The following STAT3 variants were observed in gnomAD, a reference collection of about 807,000 sequenced individuals.
The protein encoded by STAT3 is signal transducer and activator of transcription 3.
In STAT3, 7 loss-of-function variants were observed where a neutral mutation model predicts 114.3. That is an observed-to-expected ratio of 0.06 (90% CI 0.03 to 0.11). The LOEUF (loss-of-function observed/expected upper bound fraction) is 0.11. STAT3 is among the 10% of genes least tolerant of loss of function. STAT3 has a pLI of 1.00. For missense variants in STAT3, 364 were observed against 960.9 expected, an observed-to-expected ratio of 0.38 and a Z score of 8.21; for synonymous variants, 331 against 354.5, an observed-to-expected ratio of 0.93 and a Z score of 0.74.
intron 8 of STAT3, among the ~76,000 whole-genome samples, chr17:42,334,608 A>G (rs1227015166): frequency 6.6e-6 from 1 of 151,890 alleles, no homozygotes; most frequent in African/African-American, 2.4e-5. Flanking sequence ...CCACTCCCGG[A>G]TAATTTTTGC....
chr17:42,387,978 G>C, intron 1 of STAT3: 2 of 315,010 alleles, frequency 6.3e-6, no homozygotes, highest in Non-Finnish European at 5.7e-6. Flanking sequence ...CAGGAAATCG[G>C]GGGACTGTCC....
chr17:42,363,567 C>T (rs1218321768), intron 1 of STAT3, among the ~76,000 whole-genome samples: 1 of 152,046 alleles, frequency 6.6e-6, no homozygotes. Flanking sequence ...CCTCAGCCTC[C>T]TGAGTAACTG....
chr17:42,324,697 G>T lies in STAT3; in HGVS notation c.1600+14C>A. 6.2e-7 allele frequency: 1 copy of T among 1,601,038 alleles called. No individual in the cohort carries two copies. On this transcript the variant is annotated intron_variant, in intron 17 of 23. Coordinates refer to ENST00000264657, the MANE Select transcript of STAT3 (RefSeq NM_139276.3). This position sits in a 1 kb window ranked among gnomAD's most constrained non-coding sequence, Gnocchi z 4.5. Reference sequence around the variant, plus strand: ...GGGCGGGTGGGCGGGAGGGAGAAGGGGTGAAATGCGGACCCAAGAGTTTCT... The same window carrying T: ...GGGCGGGTGGGCGGGAGGGAGAAGGTGTGAAATGCGGACCCAAGAGTTTCT...
intron 1 of STAT3, among the ~76,000 whole-genome samples, chr17:42,358,436 T>C (rs2083336308): frequency 1.3e-5 from 2 of 152,144 alleles, no homozygotes; most frequent in Admixed American, 1.3e-4. Flanking sequence ...TTAACAAACC[T>C]AATTCCCTCT....
chr17:42,358,055 A>G (rs1012912982), intron 1 of STAT3, among the ~76,000 whole-genome samples: 1 of 152,330 alleles, frequency 6.6e-6, no homozygotes. Flanking sequence ...TGTAAAAATG[A>G]ACATCAATCT....
intron 1 of STAT3, among the ~76,000 whole-genome samples, chr17:42,374,691 C>A (rs1482401609): frequency 1.3e-5 from 2 of 150,532 alleles, no homozygotes; most frequent in Non-Finnish European, 2.9e-5. Context: ...CCAAAGAGAA[C>A]CTGAGGTGGC....
intron 21 of STAT3, among the ~76,000 whole-genome samples, chr17:42,321,458 C>T (rs2081481600): frequency 6.6e-6 from 1 of 151,988 alleles, no homozygotes; most frequent in South Asian, 2.1e-4. Flanking sequence ...AAGTACATGT[C>T]CTCTTACACA....
At chr17:42,364,149 C>T (rs1246321796) in intron 1 of STAT3, among the ~76,000 whole-genome samples, 1 of 152,126 alleles carries the variant, frequency 6.6e-6, no homozygotes, top group Non-Finnish European at 1.5e-5. Flanking sequence ...AGAAGTACAC[C>T]TCCCCTACTG....
intron 1 of STAT3, among the ~76,000 whole-genome samples, chr17:42,373,660 CG>C (rs1463060115): frequency 6.6e-6 from 1 of 151,852 alleles, no homozygotes; most frequent in African/African-American, 2.4e-5. Flanking sequence ...GAGGCCGAGG[CG>C]GGTGGATCAC....
At chr17:42,316,055 T>C in intron 23 of STAT3, 1 of 1,403,650 alleles carries the variant, frequency 7.1e-7, no homozygotes, top group Non-Finnish European at 9.3e-7. Context: ...AAGGCTGTCC[T>C]GAGATCTTCT....
chr17:42,367,828 A>C (rs1248261139), intron 1 of STAT3, among the ~76,000 whole-genome samples: 1 of 152,214 alleles, frequency 6.6e-6, no homozygotes, highest in African/African-American at 2.4e-5. Context: ...ATGCTCAAAT[A>C]TTTGAATAAA....
intron 2 of STAT3, among the ~76,000 whole-genome samples, chr17:42,347,184 CAAAAAAA>C (rs754388828): frequency 5.3e-5 from 4 of 75,502 alleles, no homozygotes; most frequent in African/African-American, 1.6e-4. Context: ...GACTCCATCT[CAAAAAAA>C]AAAAAAAAAA....
At chr17:42,343,002 CAAAAAAAA>C (rs757011535) in intron 4 of STAT3, among the ~76,000 whole-genome samples, 1 of 115,580 alleles carries the variant, frequency 8.7e-6, no homozygotes, top group Non-Finnish European at 1.9e-5. Context: ...CCATCTCTAC[CAAAAAAAA>C]AAAAAAAAAA....
chr17:42,322,292 A>T lies in STAT3; in HGVS notation c.2091T>A (p.Ala697=), dbSNP rs200529713. The T allele has an allele frequency of 9.7e-5, 156 of 1,614,124 alleles. No homozygotes were observed. The highest frequency in any genetic ancestry group is 3.9e-5 in the Non-Finnish European group (46 of 1,180,040). ...TGGAAAATCAACAACTACCTGGGTC[A>T]GCTTCAGGATGCTCCTGGCTCTCTG... ...CRPESQEHPE[A]DPGSAAPYLK... is the part of the protein sequence containing the mutation. The change falls in exon 21 of 24, where the codon GCT becomes GCA. Residue 697 remains alanine, a synonymous_variant. Transcript: ENST00000264657.
intron 1 of STAT3, among the ~76,000 whole-genome samples, chr17:42,351,372 G>A (rs1467148318): frequency 6.6e-6 from 1 of 151,786 alleles, no homozygotes; most frequent in African/African-American, 2.4e-5. Context: ...AGCCTCTCAA[G>A]TAACTGGGAC....
intron 1 of STAT3, among the ~76,000 whole-genome samples, chr17:42,381,044 A>C (rs1006708734): frequency 2.6e-5 from 4 of 152,174 alleles, no homozygotes; most frequent in African/African-American, 9.7e-5. Context: ...CCTCGTTTCC[A>C]CAATTGTGGA....
Position 42,339,253 on chromosome 17 carries a change from CT to C in STAT3, c.468+60del. The stretch of plus-strand genomic sequence containing the variant: ...CCTGAGTGGCAGAGCAAGACCCTGT[CT>C]CAAAAAAAAAAAAAAAAATTAATGA... On this transcript the variant is annotated intron_variant, in intron 5 of 23. Transcript: ENST00000264657. 3.7e-6 allele frequency: 5 copies of C among 1,343,150 alleles called. No homozygotes were observed. The African/African-American group carries it at 8.1e-5, about 22-fold the overall frequency. 83.2% of individuals were successfully genotyped at this position (1,343,150 alleles called of 1,614,324 possible).
intron 10 of STAT3, among the ~76,000 whole-genome samples, chr17:42,332,566 A>T: frequency 1.5e-5 from 2 of 136,176 alleles, no homozygotes; most frequent in East Asian, 2.3e-4. Context: ...AAAAAGGCCG[A>T]GCGTGGTGGC....
chr17:42,388,379 G>A lies in STAT3; in HGVS notation c.-124C>T. On this transcript the variant is annotated 5_prime_UTR_variant, in exon 1 of 24. Transcript: ENST00000264657. ...AAGGGCCTCTCCGAGCCGAGGGGGA[G>A]AGACAGCGCCAAGCCGGGGTGCCTG... 8.1e-7 allele frequency: 1 copy of A among 1,231,674 alleles called. No individual in the cohort carries two copies. The highest frequency in any genetic ancestry group is 1.0e-6 in the Non-Finnish European group (1 of 987,894). 76.3% of individuals were successfully genotyped at this position (1,231,674 alleles called of 1,614,324 possible).
Sources: allele counts gnomAD v4.1 joint callset (sites outside exome capture counted in the v4.1 genomes callset), GRCh38; gene constraint gnomAD v4.1.1; non-coding constraint Gnocchi (gnomAD v3.1); transcripts MANE v1.5; gene names NCBI Gene and HGNC (gene_info 2026-07-23, HGNC 2026-07-21).